Variants in TNIK observed in about 807,000 individuals in gnomAD.
TNIK encodes TRAF2 and NCK-interacting protein kinase.
Under a neutral mutation model 191.3 loss-of-function variants are expected in TNIK, and 49 were observed. The observed-to-expected ratio is 0.26, with a 90% confidence interval of 0.20 to 0.32. The LOEUF is 0.32. Ranked by LOEUF, TNIK falls within the 10% of genes least tolerant of loss-of-function variation. The pLI is 1.00. For synonymous variants in TNIK, 594 were observed against 600.9 expected, an observed-to-expected ratio of 0.99 and a Z score of 0.17; for missense variants, 1,155 against 1,702.3, an observed-to-expected ratio of 0.68 and a Z score of 5.66.
rs368638500 is a variant in TNIK, at chr3:171,365,404, A to G, written c.123+4216T>C. Among the ~76,000 whole-genome samples, 121 of 150,100 alleles carry G rather than the reference A, an allele frequency of 8.1e-4. 2 individuals carry two copies. Among genetic ancestry groups the G allele is most frequent in the African/African-American group, 2.9e-3 (117 of 40,954 alleles). On this transcript the variant is annotated intron_variant, in intron 2 of 32. Coordinates refer to ENST00000436636, the MANE Select transcript of TNIK (RefSeq NM_015028.4). ...TCCACGTTGGTCAGGCTGGTCTTGA[A>G]CCCCTGACCTCAGGTGATCTGCCCA...
chr3:171,448,453 G>A (rs1427171380), intron 1 of TNIK, among the ~76,000 whole-genome samples: 4 of 151,538 alleles, frequency 2.6e-5, no homozygotes, highest in Non-Finnish European at 5.9e-5. Flanking sequence ...TCCTTTTATT[G>A]TAGAATAAAT....
At chr3:171,348,929 C>T (rs1005762742) in intron 2 of TNIK, among the ~76,000 whole-genome samples, 11 of 151,466 alleles carry the variant, frequency 7.3e-5, no homozygotes, top group African/African-American at 1.5e-4. Context: ...TTCTCATTTA[C>T]GGTAGCAACG....
chr3:171,153,102 C>A (rs995971652), intron 12 of TNIK, among the ~76,000 whole-genome samples: 3 of 152,122 alleles, frequency 2.0e-5, no homozygotes, highest in Admixed American at 6.5e-5. Flanking sequence ...TCCTCTTTGT[C>A]ATTTGAAACC....
rs533709579 is a variant in TNIK, at chr3:171,059,483, C to T, written c.*4398G>A. 2.6e-5 allele frequency among the ~76,000 whole-genome samples: 4 copies of T among 152,158 alleles called. No individual in the cohort carries two copies. In the East Asian group the frequency reaches 7.7e-4, roughly 29 times the overall value. ...TTCTAGTTATCAATGGAAGAATTCC[C>T]AGAATAATGGTGTAGAAATAAAAAC... is the stretch of plus-strand genomic sequence containing the variant. On this transcript the variant is annotated 3_prime_UTR_variant, in exon 33 of 33. Coordinates refer to ENST00000436636, the MANE Select transcript of TNIK (RefSeq NM_015028.4).
chr3:171,336,722 G>A (rs1756987804), intron 2 of TNIK, among the ~76,000 whole-genome samples: 1 of 152,150 alleles, frequency 6.6e-6, no homozygotes, highest in Non-Finnish European at 1.5e-5. Context: ...AGTTTTGTGG[G>A]TACTTACCAA....
intron 1 of TNIK, among the ~76,000 whole-genome samples, chr3:171,421,249 A>T (rs972868364): frequency 1.1e-4 from 17 of 152,210 alleles, no homozygotes; most frequent in Admixed American, 2.0e-4. Context: ...AAGATGTAGA[A>T]ACTGCCTTCC....
chr3:171,160,331 C>T lies in TNIK; in HGVS notation c.1016+939G>A, dbSNP rs957944468. Among the ~76,000 whole-genome samples, 7 of 152,068 alleles carry T rather than the reference C, an allele frequency of 4.6e-5. No individual in the cohort carries two copies. The East Asian group carries it at 1.4e-3, about 29-fold the overall frequency. On this transcript the variant is annotated intron_variant, in intron 11 of 32. Transcript: ENST00000436636. ...GGTCTGAGTTAGCATAAAAAAAGAA[C>T]ACATGGTATCTGGCTCATTCTAGCA... is the stretch of plus-strand genomic sequence containing the variant.
Position 171,110,864 on chromosome 3 carries a change from G to C in TNIK, c.2134C>G (p.Arg712Gly), listed in dbSNP as rs779578721. Residue 712 changes from arginine (R) to glycine (G), a missense_variant, in exon 19 of 33, where the codon CGG becomes GGG. Arg to Gly is a moderately radical substitution (Grantham distance 125). Around this residue, in one of 3 missense-constraint regions of TNIK, gnomAD observed 735 missense variants for 848.0 expected, o/e 0.87. Transcript: ENST00000436636. ...QPIRASNPDL[R>G]RTEPILESPL... ...CTCTCCAAGATGGGCTCAGTTCTCC[G>C]GAGATCAGGGTTGCTGTGTGAGTGA... The C allele has an allele frequency of 6.2e-7, 1 of 1,602,516 alleles. No individual in the cohort carries two copies. Among genetic ancestry groups the C allele is most frequent in the African/African-American group, 1.3e-5 (1 of 74,788 alleles).
At chr3:171,186,831 T>C (rs1737426330) in intron 7 of TNIK, among the ~76,000 whole-genome samples, 1 of 152,140 alleles carries the variant, frequency 6.6e-6, no homozygotes, top group Non-Finnish European at 1.5e-5. Flanking sequence ...ATACCTAGAG[T>C]TATGCACTGG....
chr3:171,156,399 T>G (rs1377870403), intron 12 of TNIK, among the ~76,000 whole-genome samples: 2 of 152,204 alleles, frequency 1.3e-5, no homozygotes, highest in African/African-American at 4.8e-5. Flanking sequence ...CTCTAAATCT[T>G]CAGTGGCCAC....
chr3:171,212,376 C>T (rs1396234121), intron 3 of TNIK, among the ~76,000 whole-genome samples: 1 of 151,882 alleles, frequency 6.6e-6, no homozygotes, highest in East Asian at 1.9e-4. Flanking sequence ...CCCCCCACTG[C>T]ATCTGGTCAT....
At chr3:171,281,760 G>C (rs1485414393) in intron 2 of TNIK, among the ~76,000 whole-genome samples, 2 of 152,178 alleles carry the variant, frequency 1.3e-5, no homozygotes, top group South Asian at 2.1e-4. Flanking sequence ...GATAGTGTTT[G>C]CTACCCTTGT....
chr3:171,103,172 T>C (rs1401045571), intron 21 of TNIK, among the ~76,000 whole-genome samples: 3 of 152,020 alleles, frequency 2.0e-5, no homozygotes, highest in Non-Finnish European at 4.4e-5. Flanking sequence ...GAAACACACT[T>C]GGCTAGGGCT....
chr3:171,202,231 G>A (rs552536596), intron 4 of TNIK, among the ~76,000 whole-genome samples: 24 of 151,938 alleles, frequency 1.6e-4, no homozygotes, highest in African/African-American at 5.3e-4. Flanking sequence ...TTTGGTAGGA[G>A]TAAGTCACTA....
chr3:171,237,823 T>C (rs1453558319), intron 2 of TNIK, among the ~76,000 whole-genome samples: 1 of 152,080 alleles, frequency 6.6e-6, no homozygotes, highest in Non-Finnish European at 1.5e-5. Context: ...TCTGCCGAGG[T>C]GGGAGGATCA....
intron 3 of TNIK, among the ~76,000 whole-genome samples, chr3:171,224,337 G>A (rs142822086): frequency 6.6e-6 from 1 of 152,214 alleles, no homozygotes; most frequent in Non-Finnish European, 1.5e-5. Context: ...ACCAGTCATT[G>A]TAAAGGCAAA....
At chr3:171,081,117 G>T (rs1720617646) in intron 27 of TNIK, among the ~76,000 whole-genome samples, 1 of 152,092 alleles carries the variant, frequency 6.6e-6, no homozygotes, top group Non-Finnish European at 1.5e-5. Context: ...TTTTGATTTG[G>T]TAGTATAGCA....
At chr3:171,276,190 AC>A (rs75546075) in intron 2 of TNIK, among the ~76,000 whole-genome samples, 9,042 of 152,308 alleles carry the variant, frequency 0.059, 312 homozygotes, top group Middle Eastern at 0.12. Flanking sequence ...ACATTTTTAA[AC>A]ATTCAAAGAC....
rs1717649630 is a variant in TNIK, at chr3:171,059,607, C to T, written c.*4274G>A. On this transcript the variant is annotated 3_prime_UTR_variant, in exon 33 of 33. Coordinates refer to ENST00000436636, the MANE Select transcript of TNIK (RefSeq NM_015028.4). ...TTTGCTGGGACTCCTGAAAAGTGATCAATTTTACACCCAATTTATTTAAGA... is the reference window on the plus strand; with the variant it reads ...TTTGCTGGGACTCCTGAAAAGTGATTAATTTTACACCCAATTTATTTAAGA... Among the ~76,000 whole-genome samples the T allele has an allele frequency of 6.6e-6, 1 of 152,086 alleles. No homozygotes were observed. The highest frequency in any genetic ancestry group is 1.5e-5 in the Non-Finnish European group (1 of 68,014).
Sources: gnomAD v4.1 joint callset for allele counts (sites outside exome capture counted in the v4.1 genomes callset) on GRCh38, gnomAD v4.1.1 for gene constraint, gnomAD v4.1.1 regional missense constraint, MANE v1.5 for transcripts, NCBI Gene and HGNC (gene_info 2026-07-23, HGNC 2026-07-21) for gene names.